The following HERC3 variants were observed in gnomAD, a reference collection of about 807,000 sequenced individuals.
HERC3 encodes the protein HECT and RLD domain containing E3 ubiquitin protein ligase 3, also known as probable E3 ubiquitin-protein ligase HERC3.
Under a neutral mutation model 129.9 loss-of-function variants are expected in HERC3, and 58 were observed. That is an observed-to-expected ratio of 0.45 (90% confidence interval 0.36 to 0.56). The LOEUF (loss-of-function observed/expected upper bound fraction) is 0.56, where lower values mean the gene tolerates loss of function less well. HERC3 is among the 20% of genes least tolerant of loss of function. The pLI, the probability that HERC3 is intolerant of heterozygous loss-of-function variation, is 0.00. For synonymous variants in HERC3, 430 were observed against 451.0 expected (o/e 0.95, Z 0.59); for missense variants, 835 against 1,244.2 (o/e 0.67, Z 4.95).
intron 16 of HERC3, among the ~76,000 whole-genome samples, chr4:88,672,338 C>T (rs753123186): frequency 2.0e-5 from 3 of 152,042 alleles, no homozygotes; most frequent in African/African-American, 7.2e-5. Flanking sequence ...ATAACAGATG[C>T]TCATCTCTTC....
Position 88,595,944 on chromosome 4 carries a change from G to T in HERC3, c.-30+330G>T, listed in dbSNP as rs371422555. ...GCTCACTGCAGGCTCCGCCCCCCGGGGTTCATGCCATTCTCCTGCCTCAGC... is the reference window on the plus strand; with the variant it reads ...GCTCACTGCAGGCTCCGCCCCCCGGTGTTCATGCCATTCTCCTGCCTCAGC... On this transcript the variant is annotated intron_variant, in intron 2 of 25. Coordinates refer to ENST00000402738, the MANE Select transcript of HERC3 (RefSeq NM_014606.3). Among the ~76,000 whole-genome samples the T allele has an allele frequency of 1.3e-4, 20 of 150,722 alleles. No homozygotes were observed. In the East Asian group the frequency reaches 3.5e-3, roughly 27 times the overall value.
chr4:88,538,567 G>C, the HERC3 span, among the ~76,000 whole-genome samples: 4 of 130,212 alleles, frequency 3.1e-5, no homozygotes, highest in Non-Finnish European at 6.3e-5. Context: ...TTTTTTTGAC[G>C]AAGTCTCGCT....
In HERC3 at chr4:88,653,050, G is replaced by T; in HGVS notation, c.645G>T (p.Gly215=). ...LSLSGAVFGW[G]MNNAGQLGLS... is the part of the protein sequence containing the mutation. Reference sequence around the variant, plus strand: ...TCTCAGGAGCTGTTTTTGGCTGGGGGATGAATAATGCCGGGCAGCTAGGGC... The same window carrying T: ...TCTCAGGAGCTGTTTTTGGCTGGGGTATGAATAATGCCGGGCAGCTAGGGC... Residue 215 remains glycine (G), a synonymous_variant, in exon 6 of 26, where the codon GGG becomes GGT. Coordinates refer to ENST00000402738, the MANE Select transcript of HERC3 (RefSeq NM_014606.3). The T allele has an allele frequency of 6.2e-7, 1 of 1,614,206 alleles. No individual in the cohort carries two copies.
At chr4:88,694,441 C>T (rs1168765814) in intron 23 of HERC3, among the ~76,000 whole-genome samples, 1 of 152,066 alleles carries the variant, frequency 6.6e-6, no homozygotes. Flanking sequence ...GTCTTTAACT[C>T]TGTGATTTCT....
At chr4:88,557,211 C>T in the HERC3 span, among the ~76,000 whole-genome samples, 1 of 152,110 alleles carries the variant, frequency 6.6e-6, no homozygotes, top group Admixed American at 6.6e-5. Context: ...TAATGACTTC[C>T]CTATTGATTT....
At chr4:88,627,367 A>G (rs1578195581) in intron 3 of HERC3, among the ~76,000 whole-genome samples, 1 of 152,326 alleles carries the variant, frequency 6.6e-6, no homozygotes, top group South Asian at 2.1e-4. Flanking sequence ...TTTAAAAACA[A>G]TATACTATTG....
At chr4:88,587,570 T>C (rs1721564097), upstream of HERC3, among the ~76,000 whole-genome samples, 1 of 152,250 alleles carries the variant, frequency 6.6e-6, no homozygotes, top group Admixed American at 6.5e-5. Flanking sequence ...CCTATAAAGC[T>C]GTCTAATATT....
chr4:88,665,491 G>A (rs1222381550), intron 12 of HERC3, among the ~76,000 whole-genome samples: 2 of 152,194 alleles, frequency 1.3e-5, no homozygotes, highest in African/African-American at 2.4e-5. Context: ...TCTTTGCTCT[G>A]CCTTTTTGTT....
In HERC3 at chr4:88,697,290, C is replaced by G. The variant is rs770566274; in HGVS notation, c.2658-6808C>G. On this transcript the variant is annotated intron_variant, in intron 23 of 25. Transcript: ENST00000402738. ...CAGCCTCTGCCGCAGCCTCCTCCTC[C>G]TCCTCGTCTTCCCCCTCCTCCTCGT... The G allele has an allele frequency of 1.9e-6, 3 of 1,605,842 alleles. No homozygotes were observed. In the East Asian group the frequency reaches 6.7e-5, roughly 36 times the overall value.
chr4:88,700,629 G>A (rs1735233347), intron 23 of HERC3, among the ~76,000 whole-genome samples: 1 of 152,030 alleles, frequency 6.6e-6, no homozygotes, highest in Admixed American at 6.5e-5. Context: ...TTGTAGTACT[G>A]TACTTCTTAG....
At chr4:88,613,696 T>G (rs1483268835) in intron 3 of HERC3, among the ~76,000 whole-genome samples, 1 of 152,186 alleles carries the variant, frequency 6.6e-6, no homozygotes, top group Non-Finnish European at 1.5e-5. Flanking sequence ...GGCATAACGC[T>G]GATATAAAAG....
chr4:88,681,137 C>T, intron 20 of HERC3, 22 bp from the exon 21 acceptor site: 1 of 1,582,836 alleles, frequency 6.3e-7, no homozygotes, highest in Non-Finnish European at 8.6e-7. Context: ...CTTTTTAACA[C>T]ATTTGTATGT....
At chr4:88,563,825 A>C in the HERC3 span, among the ~76,000 whole-genome samples, 2 of 151,546 alleles carry the variant, frequency 1.3e-5, no homozygotes, top group East Asian at 3.9e-4. Context: ...CGCCCGGCTA[A>C]TTTTGTATTT....
intron 3 of HERC3, among the ~76,000 whole-genome samples, chr4:88,629,539 T>G (rs1174205840): frequency 6.6e-6 from 1 of 152,228 alleles, no homozygotes; most frequent in Non-Finnish European, 1.5e-5. Context: ...GTACATTATT[T>G]CTTTAGGATA....
At chr4:88,587,192 C>T in the HERC3 span, among the ~76,000 whole-genome samples, 38 of 152,104 alleles carry the variant, frequency 2.5e-4, no homozygotes, top group Non-Finnish European at 4.7e-4. Flanking sequence ...GAAACACAGA[C>T]AATGTTATTT....
intron 23 of HERC3, among the ~76,000 whole-genome samples, chr4:88,692,446 G>C (rs1423020650): frequency 6.6e-6 from 1 of 152,086 alleles, no homozygotes; most frequent in Non-Finnish European, 1.5e-5. Context: ...AGGGCATCTA[G>C]ATTCCGTAGT....
At chr4:88,584,191 G>A in the HERC3 span, among the ~76,000 whole-genome samples, 1 of 152,144 alleles carries the variant, frequency 6.6e-6, no homozygotes, top group Non-Finnish European at 1.5e-5. Flanking sequence ...TACTTCTGGT[G>A]GTGGCTTGGT....
intron 3 of HERC3, among the ~76,000 whole-genome samples, chr4:88,648,344 A>G (rs1032393969): frequency 2.9e-4 from 44 of 152,150 alleles, no homozygotes; most frequent in African/African-American, 8.4e-4. Flanking sequence ...TTTTGGAGGC[A>G]TATCTTCCAG....
chr4:88,550,188 G>C, the HERC3 span, among the ~76,000 whole-genome samples: 3 of 152,124 alleles, frequency 2.0e-5, no homozygotes, highest in Admixed American at 2.0e-4. Context: ...ACCCCATCTT[G>C]CAAGACCACC....
Sources: gnomAD v4.1 joint callset for allele counts (sites outside exome capture counted in the v4.1 genomes callset) on GRCh38, gnomAD v4.1.1 for gene constraint, MANE v1.5 for transcripts, NCBI Gene and HGNC (gene_info 2026-07-23, HGNC 2026-07-21) for gene names.